ATG10: variants seen among roughly 807,000 people sequenced by gnomAD.
The protein encoded by ATG10 is ubiquitin-like-conjugating enzyme ATG10.
In ATG10, 30 loss-of-function variants were observed where a neutral mutation model predicts 32.1. The observed-to-expected ratio is 0.94, with a 90% CI of 0.70 to 1.27. ATG10 has a LOEUF of 1.27. Among genes scored for constraint, ATG10 ranks in the 50% most tolerant of loss-of-function variants. The pLI is 0.00. For synonymous variants in ATG10, 87 were observed against 91.5 expected (o/e 0.95, Z 0.28); for missense variants, 233 against 262.3 (o/e 0.89, Z 0.77).
At chr5:82,252,515 T>G in intron 5 of ATG10, 47 bp from the exon 6 acceptor site, 1 of 1,192,224 alleles carries the variant, frequency 8.4e-7, no homozygotes, top group Non-Finnish European at 1.2e-6. Flanking sequence ...ATTTTAGCCT[T>G]TTCAAAGTAA....
At chr5:82,016,077 A>G (rs1762278157) in intron 2 of ATG10, among the ~76,000 whole-genome samples, 1 of 152,148 alleles carries the variant, frequency 6.6e-6, no homozygotes, top group South Asian at 2.1e-4. Flanking sequence ...TGCTGTGCAT[A>G]AGCTTTTTAA....
At chr5:82,001,296 ACAG>A (rs1761842018) in intron 2 of ATG10, among the ~76,000 whole-genome samples, 1 of 152,176 alleles carries the variant, frequency 6.6e-6, no homozygotes, top group South Asian at 2.1e-4. Flanking sequence ...ATTAGAAAAA[ACAG>A]TTTTAAAATT....
At chr5:82,239,252 T>C (rs1746688927) in intron 5 of ATG10, among the ~76,000 whole-genome samples, 1 of 152,136 alleles carries the variant, frequency 6.6e-6, no homozygotes, top group African/African-American at 2.4e-5. Context: ...ATATTTCCCT[T>C]TATGGAACAG....
At chr5:82,137,407 C>G (rs1165996702) in intron 3 of ATG10, among the ~76,000 whole-genome samples, 1 of 152,182 alleles carries the variant, frequency 6.6e-6, no homozygotes, top group Non-Finnish European at 1.5e-5. Flanking sequence ...GCATGGTCAT[C>G]CTTTTTGTTG....
At chr5:82,034,319 C>T (rs1762845039) in intron 2 of ATG10, among the ~76,000 whole-genome samples, 1 of 152,130 alleles carries the variant, frequency 6.6e-6, no homozygotes, top group African/African-American at 2.4e-5. Flanking sequence ...CTCTTTTTCT[C>T]TTACATTCCA....
intron 5 of ATG10, among the ~76,000 whole-genome samples, chr5:82,244,288 T>G (rs74921185): frequency 0.022 from 3,371 of 152,274 alleles, 95 homozygotes; most frequent in African/African-American, 0.073. Context: ...AGGAACTATC[T>G]TAGACACCAG....
chr5:82,108,631 G>T (rs1378601579), intron 3 of ATG10, among the ~76,000 whole-genome samples: 1 of 152,042 alleles, frequency 6.6e-6, no homozygotes, highest in Non-Finnish European at 1.5e-5. Context: ...TAGGTTGTTT[G>T]AGTCTAAGCC....
chr5:82,080,213 G>GT, intron 3 of ATG10, among the ~76,000 whole-genome samples: 1 of 152,124 alleles, frequency 6.6e-6, no homozygotes, highest in Non-Finnish European at 1.5e-5. Context: ...TGATGGGGTT[G>GT]TTTTTTTCTT....
At chr5:82,243,991 C>A (rs1181568554) in intron 5 of ATG10, among the ~76,000 whole-genome samples, 1 of 151,998 alleles carries the variant, frequency 6.6e-6, no homozygotes, top group South Asian at 2.1e-4. Flanking sequence ...AGAGGATCAA[C>A]AAAAGACACA....
At chr5:82,051,598 C>T (rs757187428) in intron 2 of ATG10, among the ~76,000 whole-genome samples, 1 of 152,070 alleles carries the variant, frequency 6.6e-6, no homozygotes, top group Non-Finnish European at 1.5e-5. Flanking sequence ...ACAAAGTTAC[C>T]TTTGTATATA....
At chr5:82,128,856 G>T (rs996434780) in intron 3 of ATG10, among the ~76,000 whole-genome samples, 2 of 151,524 alleles carry the variant, frequency 1.3e-5, no homozygotes, top group Non-Finnish European at 2.9e-5. Context: ...TCTTCTCAAG[G>T]AGTATTTTTG....
In ATG10 at chr5:82,049,561, A is replaced by T. The variant is rs547510244; in HGVS notation, c.109-8934A>T. Among the ~76,000 whole-genome samples, 45 of 144,342 alleles carry T rather than the reference A, an allele frequency of 3.1e-4. 1 individual carries two copies. The highest frequency in any genetic ancestry group is 2.4e-3 in the East Asian group (12 of 5,076). The allele number at this position is 144,342 out of a possible 152,430, so 94.7% of individuals were successfully genotyped here. On this transcript the variant is annotated intron_variant, in intron 2 of 7. Coordinates refer to ENST00000282185, the MANE Select transcript of ATG10 (RefSeq NM_031482.5). ...AACTTAAAGTATAATAATAATAAAT[A>T]AAAAAAAAAAGAAAACTAACTTCTT...
intron 2 of ATG10, among the ~76,000 whole-genome samples, chr5:82,053,687 T>C (rs550876999): frequency 2.0e-5 from 3 of 152,228 alleles, no homozygotes; most frequent in African/African-American, 7.2e-5. Flanking sequence ...GTTGTTTGGG[T>C]TATAACAGCT....
intron 2 of ATG10, among the ~76,000 whole-genome samples, chr5:82,027,415 CAATT>C (rs1292303777): frequency 6.6e-6 from 1 of 151,906 alleles, no homozygotes. Context: ...AAGAGAAAAT[CAATT>C]AATCAAAATA....
intron 3 of ATG10, among the ~76,000 whole-genome samples, chr5:82,136,488 T>C (rs554434597): frequency 6.6e-6 from 1 of 152,326 alleles, no homozygotes; most frequent in South Asian, 2.1e-4. Context: ...TTTATGAAGC[T>C]TAGTTTGGCT....
intron 5 of ATG10, among the ~76,000 whole-genome samples, chr5:82,232,089 G>A (rs1746387302): frequency 6.6e-6 from 1 of 152,126 alleles, no homozygotes; most frequent in Non-Finnish European, 1.5e-5. Context: ...GGCTGGTTTT[G>A]TGAATGTATT....
At chr5:82,139,539 G>C (rs1377766222) in intron 3 of ATG10, among the ~76,000 whole-genome samples, 1 of 143,336 alleles carries the variant, frequency 7.0e-6, no homozygotes, top group African/African-American at 2.6e-5. Flanking sequence ...CCGAGACCCC[G>C]TCTGGGAGGT....
intron 2 of ATG10, among the ~76,000 whole-genome samples, chr5:82,058,280 CATT>C (rs1221501106): frequency 6.6e-6 from 1 of 152,058 alleles, no homozygotes; most frequent in Non-Finnish European, 1.5e-5. Flanking sequence ...GTGGAAACAT[CATT>C]AATAAATAAG....
chr5:82,121,941 G>GTTTTTTTTTTTTTTTTTTTTT lies in ATG10; in HGVS notation c.217-42439_217-42438insTTTTTTTTTTTTTTTTTTTTT. 1.0e-3 allele frequency among the ~76,000 whole-genome samples: 122 copies of GTTTTTTTTTTTTTTTTTTTTT among 120,970 alleles called. 6 individuals are homozygous for GTTTTTTTTTTTTTTTTTTTTT. Among genetic ancestry groups the GTTTTTTTTTTTTTTTTTTTTT allele is most frequent in the Middle Eastern group, 4.5e-3 (1 of 224 alleles). The allele number at this position is 120,970 out of a possible 152,430, so 79.4% of individuals were successfully genotyped here. A position where few individuals can be genotyped will look rare whatever the true frequency, so the allele number is the denominator to read the frequency against. The stretch of plus-strand genomic sequence containing the variant: ...GATTTTGCATCAATATTGGCCTGAA[G>GTTTTTTTTTTTTTTTTTTTTT]TTTTTTTTTTTTTTTTTTTATGTCT... On this transcript the variant is annotated intron_variant, in intron 3 of 7. Coordinates refer to ENST00000282185, the MANE Select transcript of ATG10 (RefSeq NM_031482.5).
Sources: gnomAD v4.1 joint callset for allele counts (sites outside exome capture counted in the v4.1 genomes callset) on GRCh38, gnomAD v4.1.1 for gene constraint, MANE v1.5 for transcripts, NCBI Gene and HGNC (gene_info 2026-07-23, HGNC 2026-07-21) for gene names.